PRKDC: variants seen among roughly 807,000 people sequenced by gnomAD.
PRKDC encodes the protein DNA-dependent protein kinase catalytic subunit.
PRKDC carries 82 observed loss-of-function variants against 486.9 expected under a neutral mutation model. That is an observed-to-expected ratio of 0.17 (90% CI 0.14 to 0.20). The LOEUF (loss-of-function observed/expected upper bound fraction) is 0.20. PRKDC is among the 10% of genes least tolerant of loss of function. The pLI is 1.00. For synonymous variants in PRKDC, 1,895 were observed against 1,837.0 expected, an observed-to-expected ratio of 1.03 and a Z score of -0.81; for missense variants, 4,504 against 5,038.2, an observed-to-expected ratio of 0.89 and a Z score of 3.21.
chr8:47,953,388 C>G (rs1245923412), intron 7 of PRKDC, among the ~76,000 whole-genome samples: 2 of 152,212 alleles, frequency 1.3e-5, no homozygotes, highest in Admixed American at 6.5e-5. Flanking sequence ...CTGGTGAGAT[C>G]TGACAAAGCT....
At position 47,927,633 on chromosome 8, in the gene PRKDC, G is replaced by A. The variant is rs576467555; in HGVS notation, c.2259+138C>T. On this transcript the variant is annotated intron_variant, in intron 20 of 85. Coordinates refer to ENST00000314191, the MANE Select transcript of PRKDC (RefSeq NM_006904.7). ...GGTCTAAGTCCCAAAGCCAGTAAGT[G>A]GCAGAAGCAGACCCTGACCCGGGCA... The A allele has an allele frequency of 1.0e-5, 12 of 1,153,884 alleles. No individual in the cohort carries two copies. In the African/African-American group the frequency reaches 1.7e-4, roughly 17 times the overall value. 71.5% of individuals were successfully genotyped at this position (1,153,884 alleles called of 1,614,324 possible).
At chr8:47,831,241 G>GC (rs921273669) in intron 60 of PRKDC, among the ~76,000 whole-genome samples, 3 of 152,180 alleles carry the variant, frequency 2.0e-5, no homozygotes, top group African/African-American at 7.2e-5. Context: ...CCGGCACAGC[G>GC]CCCCACTTCC....
chr8:47,803,309 A>G lies in PRKDC; in HGVS notation c.9919T>C (p.Leu3307=), dbSNP rs747599873. The G allele has an allele frequency of 5.6e-6, 9 of 1,606,554 alleles. No individual in the cohort carries two copies. In the Admixed American group the frequency reaches 6.9e-5, roughly 12 times the overall value. The change falls in exon 70 of 86, where the codon TTG becomes CTG. Residue 3307 remains leucine, a synonymous_variant. Transcript: ENST00000314191. ...VLTVLKTVSL[L]DENNVSSYLS... ...TGGATAAAAGCGGTCAACTTACCCA[A>G]CAAAGAGACTGTTTTCAGCACAGTG... is the stretch of plus-strand genomic sequence containing the variant.
chr8:47,890,042 C>A (rs529840870), intron 32 of PRKDC, among the ~76,000 whole-genome samples: 78 of 152,104 alleles, frequency 5.1e-4, no homozygotes, highest in South Asian at 1.2e-3. Flanking sequence ...TAACTTCTGA[C>A]AATGCAAAGT....
chr8:47,958,486 T>A (rs935912493), intron 1 of PRKDC, among the ~76,000 whole-genome samples: 1 of 152,112 alleles, frequency 6.6e-6, no homozygotes, highest in African/African-American at 2.4e-5. Flanking sequence ...TGGTAATTGT[T>A]ACAGCAGCAA....
intron 70 of PRKDC, among the ~76,000 whole-genome samples, chr8:47,802,396 G>A (rs533861250): frequency 5.9e-5 from 9 of 152,096 alleles, no homozygotes; most frequent in South Asian, 2.1e-4. Context: ...GCAACAGAGC[G>A]GGGGACCAAA....
chr8:47,777,633 G>T, intron 84 of PRKDC, 53 bp downstream of exon 84: 1 of 1,487,868 alleles, frequency 6.7e-7, no homozygotes, highest in Non-Finnish European at 9.1e-7. Context: ...ATACCAGCTT[G>T]ATCACGGGGA....
In PRKDC at chr8:47,925,741, A is replaced by G. The variant is rs181573918; in HGVS notation, c.2419+1453T>C. On this transcript the variant is annotated intron_variant, in intron 21 of 85. Coordinates refer to ENST00000314191, the MANE Select transcript of PRKDC (RefSeq NM_006904.7). ...TTCGGCTTATTCACAAACGGTTCCA[A>G]AAAAAATGTCCCATGTAAATATAAA... Among the ~76,000 whole-genome samples the G allele has an allele frequency of 3.8e-3, 582 of 152,198 alleles. 4 individuals carry two copies. Among genetic ancestry groups the G allele is most frequent in the South Asian group, 0.025 (119 of 4,818 alleles).
chr8:47,959,981 G>A lies in PRKDC; in HGVS notation c.146C>T (p.Ala49Val). The A allele has an allele frequency of 3.4e-6, 5 of 1,462,600 alleles. No individual in the cohort carries two copies. Among genetic ancestry groups the A allele is most frequent in the Non-Finnish European group, 4.5e-6 (5 of 1,102,854 alleles). The allele number at this position is 1,462,600 out of a possible 1,614,324, so 90.6% of individuals were successfully genotyped here. A position where few individuals can be genotyped will look rare whatever the true frequency, so the allele number is the denominator to read the frequency against. ...GQECVLSSSP[A>V]VLALQTSLVF... is the part of the protein sequence containing the mutation. ...CTCGGGCCGGTACCCACCCAGCACC[G>A]CGGGGCTGCTGCTCAGGACGCATTC... Residue 49 changes from alanine to valine, a missense_variant, in exon 1 of 86, where the codon GCG (alanine) becomes GTG (valine). Ala to Val is a moderately conservative substitution (Grantham distance 64). Coordinates refer to ENST00000314191, the MANE Select transcript of PRKDC (RefSeq NM_006904.7).
intron 50 of PRKDC, 48 bp downstream of exon 50, chr8:47,855,174 A>G (rs2088505563): frequency 1.4e-6 from 2 of 1,479,360 alleles, no homozygotes; most frequent in Admixed American, 2.3e-5. Context: ...GACACACTAC[A>G]TTTTAACCTA....
chr8:47,837,093 C>T lies in PRKDC; in HGVS notation c.7761+119G>A, dbSNP rs1589731774. 5 of 1,154,278 alleles carry T rather than the reference C, an allele frequency of 4.3e-6. No homozygotes were observed. In the East Asian group the frequency reaches 1.3e-4, roughly 30 times the overall value. 71.5% of individuals were successfully genotyped at this position (1,154,278 alleles called of 1,614,324 possible). A position where few individuals can be genotyped will look rare whatever the true frequency, so the allele number is the denominator to read the frequency against. On this transcript the variant is annotated intron_variant, in intron 57 of 85. Coordinates refer to ENST00000314191, the MANE Select transcript of PRKDC (RefSeq NM_006904.7). Reference sequence around the variant, plus strand: ...AAGCAGAGGCACGAGCCTTCCCTTTCCTTTTCAGAAAGGAATGTGTATTCT... The same window carrying T: ...AAGCAGAGGCACGAGCCTTCCCTTTTCTTTTCAGAAAGGAATGTGTATTCT...
intron 30 of PRKDC, among the ~76,000 whole-genome samples, chr8:47,894,325 T>C (rs1181264480): frequency 6.6e-6 from 1 of 152,112 alleles, no homozygotes; most frequent in Admixed American, 6.6e-5. Flanking sequence ...AGGAGGAATA[T>C]TCTGTAATGT....
chr8:47,911,702 G>A (rs1386014770), intron 25 of PRKDC, among the ~76,000 whole-genome samples: 1 of 152,082 alleles, frequency 6.6e-6, no homozygotes, highest in Non-Finnish European at 1.5e-5. Flanking sequence ...CTTCATGGCA[G>A]CAGTGAAGGA....
intron 26 of PRKDC, 27 bp downstream of exon 26, chr8:47,904,836 GGAGTAA>G (rs1288293861): frequency 1.5e-6 from 2 of 1,363,830 alleles, no homozygotes; most frequent in African/African-American, 2.9e-5. Context: ...CTAATCGATG[GGAGTAA>G]GAGGAAAAGA....
At chr8:47,915,200 T>C in intron 23 of PRKDC, 128 bp downstream of exon 23, 1 of 561,724 alleles carries the variant, frequency 1.8e-6, no homozygotes, top group South Asian at 2.8e-5. Flanking sequence ...TATTATTCTT[T>C]ATAATCTTAT....
intron 36 of PRKDC, among the ~76,000 whole-genome samples, chr8:47,885,099 A>G (rs527367440): frequency 4.9e-4 from 74 of 152,376 alleles, no homozygotes; most frequent in African/African-American, 1.8e-3. Flanking sequence ...TTTGCAAAGC[A>G]TAAGGGAATA....
intron 54 of PRKDC, among the ~76,000 whole-genome samples, chr8:47,847,896 T>TAA (rs2088308819): frequency 6.8e-6 from 1 of 147,328 alleles, no homozygotes; most frequent in South Asian, 2.2e-4. Flanking sequence ...TATATATATA[T>TAA]AAAAGTCATC....
At chr8:47,794,637 T>G in intron 73 of PRKDC, 136 bp from the exon 74 acceptor site, 1 of 737,662 alleles carries the variant, frequency 1.4e-6, no homozygotes, top group Non-Finnish European at 2.1e-6. Flanking sequence ...ATCCCCTAGC[T>G]CTCTTCTGCT....
rs535674748 is a variant in PRKDC, at chr8:47,831,147, G to A, written c.8266-411C>T. Among the ~76,000 whole-genome samples, 3 of 152,256 alleles carry A rather than the reference G, an allele frequency of 2.0e-5. 1 individual carries two copies. Among genetic ancestry groups the A allele is most frequent in the East Asian group, 1.9e-4 (1 of 5,130 alleles). On this transcript the variant is annotated intron_variant, in intron 60 of 85. Coordinates refer to ENST00000314191, the MANE Select transcript of PRKDC (RefSeq NM_006904.7). ...GCAGAGCCCAAAGCTCCCCTCCGAGGGGGCAAAACAGTGCCCCGGGGGCGC... is the reference window on the plus strand; with the variant it reads ...GCAGAGCCCAAAGCTCCCCTCCGAGAGGGCAAAACAGTGCCCCGGGGGCGC...
Sources: allele counts gnomAD v4.1 joint callset (sites outside exome capture counted in the v4.1 genomes callset), GRCh38; gene constraint gnomAD v4.1.1; transcripts MANE v1.5; gene names NCBI Gene and HGNC (gene_info 2026-07-23, HGNC 2026-07-21).